Variants in IL1R2 observed in about 807,000 individuals in gnomAD.
The protein encoded by IL1R2 is interleukin-1 receptor type 2.
A neutral mutation model predicts 39.5 loss-of-function variants in IL1R2; 46 were observed. That is an observed-to-expected ratio of 1.16 (90% CI 0.92 to 1.49). The LOEUF is 1.49. Among genes scored for constraint, IL1R2 ranks in the 40% most tolerant of loss-of-function variants. The probability of loss-of-function intolerance (pLI) is 0.00; values close to 1 mark genes in which losing one functional copy is unlikely to be tolerated. For synonymous variants in IL1R2, 207 were observed against 189.6 expected (o/e 1.09, Z -0.75); for missense variants, 537 against 502.0 (o/e 1.07, Z -0.67).
chr2:102,016,885 A>G (rs3218911), intron 4 of IL1R2, among the ~76,000 whole-genome samples: 24,457 of 152,088 alleles, frequency 0.16, 2,312 homozygotes, highest in East Asian at 0.28. Flanking sequence ...CCCCCAAAGA[A>G]ACTGAGGGAT....
At chr2:102,005,818 G>A (rs1174447351) in intron 1 of IL1R2, among the ~76,000 whole-genome samples, 2 of 152,200 alleles carry the variant, frequency 1.3e-5, no homozygotes, top group Non-Finnish European at 2.9e-5. Flanking sequence ...AGGGAGGACA[G>A]ATATTGGGAG....
At chr2:101,992,224 CAGAGACAGAAAGAGGCAG>C (rs1476756602) in intron 1 of IL1R2, among the ~76,000 whole-genome samples, 6 of 147,702 alleles carry the variant, frequency 4.1e-5, no homozygotes, top group Non-Finnish European at 6.0e-5. Context: ...GGCAGAGAAA[CAGAGACAGAAAGAGGCAG>C]AGAGACAGGC....
rs569618897 is a variant in IL1R2 at position 102,014,975 on chromosome 2, A to C, written c.333-896A>C. On this transcript the variant is annotated intron_variant, in intron 3 of 8. Transcript: ENST00000332549. ...TAATAATAATAATAATAATAATAAT[A>C]ATCATATAATAATAAAGCAAACTTA... Among the ~76,000 whole-genome samples the C allele has an allele frequency of 6.9e-4, 96 of 138,368 alleles. 1 individual carries two copies. The highest frequency in any genetic ancestry group is 1.2e-3 in the Admixed American group (17 of 14,438). 90.8% of individuals were successfully genotyped at this position (138,368 alleles called of 152,430 possible). A position where few individuals can be genotyped will look rare whatever the true frequency, so the allele number is the denominator to read the frequency against.
At chr2:102,001,718 C>T (rs189976763) in intron 1 of IL1R2, among the ~76,000 whole-genome samples, 1 of 152,086 alleles carries the variant, frequency 6.6e-6, no homozygotes, top group Non-Finnish European at 1.5e-5. Flanking sequence ...TCTGTTATTT[C>T]CTAGGGCTTA....
Position 102,008,614 on chromosome 2 carries a change from C to T in IL1R2, c.39C>T (p.Ala13=). 1 of 1,614,108 alleles carries T rather than the reference C, an allele frequency of 6.2e-7. No homozygotes were observed. The highest frequency in any genetic ancestry group is 8.5e-7 in the Non-Finnish European group (1 of 1,179,996). The change falls in exon 2 of 9, where the codon GCC becomes GCT. Residue 13 remains alanine, a synonymous_variant. Coordinates refer to ENST00000332549, the MANE Select transcript of IL1R2 (RefSeq NM_004633.4). ...ACGTGTTGGTAATGGGAGTTTCTGC[C>T]TTCACCCTTCAGCCTGCGGCACACA... ...RLYVLVMGVS[A]FTLQPAAHTG...
intron 4 of IL1R2, among the ~76,000 whole-genome samples, chr2:102,018,320 G>A (rs1677137633): frequency 6.6e-6 from 1 of 152,220 alleles, no homozygotes; most frequent in African/African-American, 2.4e-5. Context: ...CACAGGCTCT[G>A]GCGTCAATGG....
chr2:102,004,908 G>C (rs1184182005), intron 1 of IL1R2, among the ~76,000 whole-genome samples: 1 of 152,212 alleles, frequency 6.6e-6, no homozygotes, highest in Non-Finnish European at 1.5e-5. Flanking sequence ...GATGGTGGTG[G>C]GGGTAGATGA....
At chr2:102,006,672 C>T (rs376417436) in intron 1 of IL1R2, among the ~76,000 whole-genome samples, 12 of 152,318 alleles carry the variant, frequency 7.9e-5, no homozygotes, top group South Asian at 2.1e-4. Context: ...AAGTATTCCC[C>T]GGTATGTTCT....
chr2:102,016,252 CAAAT>C (rs2150446453), intron 4 of IL1R2: 1 of 500,788 alleles, frequency 2.0e-6, no homozygotes, highest in South Asian at 2.8e-5. Flanking sequence ...AACAAATAAA[CAAAT>C]AAAATAACAG....
rs3218944 is a variant in IL1R2, at chr2:102,019,566, T to C, written c.514-72T>C. ...TTGCAAATCCCACATTGGTTGATAATGATGATGTAATTCATAGCCTTTGAG... is the reference window on the plus strand; with the variant it reads ...TTGCAAATCCCACATTGGTTGATAACGATGATGTAATTCATAGCCTTTGAG... On this transcript the variant is annotated intron_variant, in intron 4 of 8. Coordinates refer to ENST00000332549, the MANE Select transcript of IL1R2 (RefSeq NM_004633.4). 2,035 of 1,064,548 alleles carry C rather than the reference T, an allele frequency of 1.9e-3. 27 individuals are homozygous for C. In the African/African-American group the frequency reaches 0.029, roughly 15 times the overall value. 65.9% of individuals were successfully genotyped at this position (1,064,548 alleles called of 1,614,324 possible). A position where few individuals can be genotyped will look rare whatever the true frequency, so the allele number is the denominator to read the frequency against.
chr2:102,009,979 C>A (rs964996808), intron 3 of IL1R2, 153 bp downstream of exon 3: 3 of 811,912 alleles, frequency 3.7e-6, no homozygotes, highest in Non-Finnish European at 5.8e-6. Context: ...TGACACCCCC[C>A]CCAACCCTAC....
chr2:102,024,100 G>T (rs1307047147), intron 6 of IL1R2, among the ~76,000 whole-genome samples: 2 of 151,986 alleles, frequency 1.3e-5, no homozygotes, highest in Non-Finnish European at 2.9e-5. Context: ...AAGAAGGGTT[G>T]ATCCCCAGTC....
rs116444688 is a variant in IL1R2, at chr2:102,011,166, C to T, written c.332+1340C>T. Among the ~76,000 whole-genome samples, 396 of 152,296 alleles carry T rather than the reference C, an allele frequency of 2.6e-3. 1 individual carries two copies. Among genetic ancestry groups the T allele is most frequent in the South Asian group, 0.013 (63 of 4,828 alleles). ...CATCCAGGGACACTTGACTTGCTTC[C>T]TCCTTTCAGCTATTGTGAATCCAAT... On this transcript the variant is annotated intron_variant, in intron 3 of 8. Transcript: ENST00000332549.
rs746381152 is a variant in IL1R2 at position 102,009,797 on chromosome 2, G to A, written c.303G>A (p.Glu101=). The stretch of plus-strand genomic sequence containing the variant: ...TGTGGCTTCTGCCAGCCTTGCAGGA[G>A]GACTCTGGCACCTACGTCTGCACTA... The part of the protein sequence containing the change: ...GALWLLPALQ[E]DSGTYVCTTR... Residue 101 remains glutamate, a synonymous_variant, in exon 3 of 9, where the codon GAG becomes GAA. Coordinates refer to ENST00000332549, the MANE Select transcript of IL1R2 (RefSeq NM_004633.4). The A allele has an allele frequency of 3.7e-6, 6 of 1,614,222 alleles. No homozygotes were observed. In the Admixed American group the frequency reaches 8.3e-5, roughly 22 times the overall value.
intron 3 of IL1R2, among the ~76,000 whole-genome samples, chr2:102,013,554 G>GAAAAAAAAAAAAAAAAAAAAAAA (rs1577711343): frequency 9.5e-5 from 3 of 31,678 alleles, no homozygotes; most frequent in Non-Finnish European, 1.7e-4. Context: ...AAAAAAAAAG[G>GAAAAAAAAAAAAAAAAAAAAAAA]AAAGAAAGAA....
At chr2:102,002,837 T>C (rs927820603) in intron 1 of IL1R2, among the ~76,000 whole-genome samples, 1 of 152,362 alleles carries the variant, frequency 6.6e-6, no homozygotes, top group African/African-American at 2.4e-5. Flanking sequence ...CCTGTCTGTG[T>C]CTGTGTCTAT....
chr2:102,007,673 G>A (rs1676350652), intron 1 of IL1R2, among the ~76,000 whole-genome samples: 1 of 152,150 alleles, frequency 6.6e-6, no homozygotes, highest in African/African-American at 2.4e-5. Context: ...TGATTTTGAG[G>A]GCTTCAATAT....
chr2:102,017,999 A>T (rs542508726), intron 4 of IL1R2, among the ~76,000 whole-genome samples: 2 of 152,350 alleles, frequency 1.3e-5, no homozygotes, highest in East Asian at 3.9e-4. Flanking sequence ...TCTATATAGG[A>T]TATTGATTTA....
At chr2:102,020,093 C>T (rs1049999475) in intron 5 of IL1R2, among the ~76,000 whole-genome samples, 2 of 152,220 alleles carry the variant, frequency 1.3e-5, no homozygotes, top group Admixed American at 6.5e-5. Context: ...CAAACAGTGG[C>T]TTCTGTAGAA....
Sources: gnomAD v4.1 joint callset for allele counts (sites outside exome capture counted in the v4.1 genomes callset) on GRCh38, gnomAD v4.1.1 for gene constraint, MANE v1.5 for transcripts, NCBI Gene and HGNC (gene_info 2026-07-23, HGNC 2026-07-21) for gene names.